GABRB1: variants seen among roughly 807,000 people sequenced by gnomAD.
GABRB1 encodes gamma-aminobutyric acid type A receptor subunit beta1, also known as gamma-aminobutyric acid receptor subunit beta-1.
In GABRB1, 17 loss-of-function variants were observed where a neutral mutation model predicts 51.6. The observed-to-expected ratio is 0.33, with a 90% CI of 0.23 to 0.49. The LOEUF (loss-of-function observed/expected upper bound fraction) is 0.49. Among genes scored for constraint, GABRB1 ranks in the 20% least tolerant of loss-of-function variants. The pLI, the probability that GABRB1 is intolerant of heterozygous loss-of-function variation, is 0.99. For missense variants in GABRB1, 410 were observed against 600.6 expected (o/e 0.68, Z 3.32); for synonymous variants, 247 against 218.9 (o/e 1.13, Z -1.14).
At chr4:47,272,443 T>C (rs569997808) in intron 4 of GABRB1, among the ~76,000 whole-genome samples, 1 of 152,288 alleles carries the variant, frequency 6.6e-6, no homozygotes, top group African/African-American at 2.4e-5. Context: ...TGATTACATA[T>C]GAAAAAGTTC....
chr4:47,355,047 G>A (rs540879781), intron 5 of GABRB1, among the ~76,000 whole-genome samples: 33 of 135,896 alleles, frequency 2.4e-4, no homozygotes, highest in Non-Finnish European at 3.1e-4. Flanking sequence ...GTGCAGTGGC[G>A]CGATCTTGGC....
chr4:47,340,433 C>A (rs1345173319), intron 5 of GABRB1, among the ~76,000 whole-genome samples: 1 of 152,016 alleles, frequency 6.6e-6, no homozygotes, highest in Non-Finnish European at 1.5e-5. Flanking sequence ...TAATATGATA[C>A]CTTCGAGGGG....
At chr4:47,411,324 A>G (rs1241554900) in intron 8 of GABRB1, among the ~76,000 whole-genome samples, 1 of 152,212 alleles carries the variant, frequency 6.6e-6, no homozygotes. Context: ...TAAAAAAGAA[A>G]TGAACTGTTG....
chr4:47,182,884 G>A (rs1341411354), intron 4 of GABRB1, among the ~76,000 whole-genome samples: 1 of 151,876 alleles, frequency 6.6e-6, no homozygotes, highest in African/African-American at 2.4e-5. Context: ...AAGCAAGCCA[G>A]ACACATAAAT....
At chr4:47,195,863 G>T (rs1055491396) in intron 4 of GABRB1, among the ~76,000 whole-genome samples, 7 of 152,210 alleles carry the variant, frequency 4.6e-5, no homozygotes, top group African/African-American at 1.7e-4. Context: ...TTTGTCTAAG[G>T]TCACCAGTGA....
intron 5 of GABRB1, among the ~76,000 whole-genome samples, chr4:47,359,366 T>C (rs1480470843): frequency 6.6e-6 from 1 of 152,206 alleles, no homozygotes; most frequent in Non-Finnish European, 1.5e-5. Context: ...ATTTATTTAA[T>C]AGCAGTGAAA....
At chr4:47,401,864 T>A (rs979510900) in intron 5 of GABRB1, among the ~76,000 whole-genome samples, 1 of 142,820 alleles carries the variant, frequency 7.0e-6, no homozygotes, top group African/African-American at 2.6e-5. Flanking sequence ...TCTATCTATC[T>A]ATCATCTATC....
At chr4:47,273,872 C>CAT (rs1475946554) in intron 4 of GABRB1, among the ~76,000 whole-genome samples, 29 of 41,528 alleles carry the variant, frequency 7.0e-4, no homozygotes, top group Non-Finnish European at 1.2e-3. Flanking sequence ...CATACACACA[C>CAT]ACACACACAC....
At chr4:47,271,997 T>G (rs1449888387) in intron 4 of GABRB1, among the ~76,000 whole-genome samples, 1 of 33,606 alleles carries the variant, frequency 3.0e-5, no homozygotes, top group Non-Finnish European at 5.4e-5. Flanking sequence ...AGTTACACAT[T>G]AATAACTTTG....
intron 5 of GABRB1, among the ~76,000 whole-genome samples, chr4:47,363,909 G>A (rs1726889681): frequency 2.0e-5 from 3 of 152,102 alleles, no homozygotes; most frequent in Non-Finnish European, 2.9e-5. Flanking sequence ...AAGATATTAA[G>A]GTTAATCATC....
At position 47,254,361 on chromosome 4, in the gene GABRB1, G is replaced by GTTTT. The variant is rs56838956; in HGVS notation, c.462-65738_462-65735dup. The stretch of plus-strand genomic sequence containing the variant: ...ATGGTGGATGATGTTTCTTTTCTTT[G>GTTTT]TTTTTTTTTTTTTTTTTTTTTTTTT... On this transcript the variant is annotated intron_variant, in intron 4 of 8. Transcript: ENST00000295454. Among the ~76,000 whole-genome samples, 69 of 80,948 alleles carry GTTTT rather than the reference G, an allele frequency of 8.5e-4. 3 individuals are homozygous for GTTTT. The highest frequency in any genetic ancestry group is 1.2e-3 in the Non-Finnish European group (51 of 44,312). 53.1% of individuals were successfully genotyped at this position (80,948 alleles called of 152,430 possible).
At chr4:47,166,989 T>C (rs1310126258) in intron 4 of GABRB1, among the ~76,000 whole-genome samples, 2 of 152,144 alleles carry the variant, frequency 1.3e-5, no homozygotes, top group African/African-American at 4.8e-5. Flanking sequence ...TCTCTTACAA[T>C]GTTTTATCTT....
chr4:47,386,745 T>C (rs1022762003), intron 5 of GABRB1, among the ~76,000 whole-genome samples: 15 of 152,030 alleles, frequency 9.9e-5, no homozygotes, highest in South Asian at 2.1e-4. Flanking sequence ...GAAAAAAAAA[T>C]TCAACAGACA....
chr4:47,073,827 T>G (rs538511779), intron 3 of GABRB1, among the ~76,000 whole-genome samples: 13 of 152,210 alleles, frequency 8.5e-5, no homozygotes, highest in South Asian at 2.1e-4. Flanking sequence ...TTTCATTACT[T>G]GAAAAGACAT....
At chr4:47,225,805 T>A (rs898024036) in intron 4 of GABRB1, among the ~76,000 whole-genome samples, 7 of 152,198 alleles carry the variant, frequency 4.6e-5, no homozygotes, top group South Asian at 2.1e-4. Flanking sequence ...TAATAGTTCA[T>A]GCCAACTTTG....
intron 1 of GABRB1, among the ~76,000 whole-genome samples, chr4:47,019,635 C>CTTTCTTTCTTTCTT (rs1724857173): frequency 8.2e-6 from 1 of 121,638 alleles, no homozygotes; most frequent in Non-Finnish European, 1.6e-5. Context: ...CTCTTTCTTT[C>CTTTCTTTCTTTCTT]TTTCTTTCTT....
intron 4 of GABRB1, among the ~76,000 whole-genome samples, chr4:47,191,250 G>T (rs2109783671): frequency 6.6e-6 from 1 of 152,230 alleles, no homozygotes; most frequent in Middle Eastern, 3.4e-3. Context: ...TAACTCCTTT[G>T]TGCCTCAAGA....
rs996957041 is a variant in GABRB1 at position 47,069,621 on chromosome 4, A to C, written c.240+37137A>C. Among the ~76,000 whole-genome samples the C allele has an allele frequency of 2.0e-5, 3 of 152,150 alleles. No individual in the cohort carries two copies. The East Asian group carries it at 5.8e-4, about 29-fold the overall frequency. ...AGCCACACCTCTCAGTGCTACTCCT[A>C]AAACACTTTTGTACTTTAAATATGT... is the stretch of plus-strand genomic sequence containing the variant. On this transcript the variant is annotated intron_variant, in intron 3 of 8. Coordinates refer to ENST00000295454, the MANE Select transcript of GABRB1 (RefSeq NM_000812.4).
At chr4:47,039,359 CAAA>C (rs10603411) in intron 3 of GABRB1, among the ~76,000 whole-genome samples, 25 of 65,554 alleles carry the variant, frequency 3.8e-4, no homozygotes, top group Admixed American at 1.2e-3. Flanking sequence ...AAAGAAAATA[CAAA>C]AAAAAAAAAA....
Sources: gnomAD v4.1 joint callset for allele counts (sites outside exome capture counted in the v4.1 genomes callset) on GRCh38, gnomAD v4.1.1 for gene constraint, MANE v1.5 for transcripts, NCBI Gene and HGNC (gene_info 2026-07-23, HGNC 2026-07-21) for gene names.